The following ESR1 variants were observed in gnomAD, a reference collection of about 807,000 sequenced individuals.
ESR1 encodes the protein estrogen receptor 1.
A neutral mutation model predicts 52.7 loss-of-function variants in ESR1; 12 were observed. The observed-to-expected ratio is 0.23, with a 90% confidence interval of 0.15 to 0.37. The LOEUF is 0.37. ESR1 is among the 10% of genes least tolerant of loss of function. The pLI is 1.00. For synonymous variants in ESR1, 305 were observed against 316.8 expected, an observed-to-expected ratio of 0.96 and a Z score of 0.39; for missense variants, 584 against 779.7, an observed-to-expected ratio of 0.75 and a Z score of 2.99.
Position 151,661,827 on chromosome 6 carries a change from C to T in ESR1, n.73+5064C>T, listed in dbSNP as rs79265847. Among the ~76,000 whole-genome samples, 1,499 of 152,332 alleles carry T rather than the reference C, an allele frequency of 9.8e-3. 20 individuals carry two copies. Among genetic ancestry groups the T allele is most frequent in the African/African-American group, 0.035 (1,454 of 41,564 alleles). On this transcript the variant is annotated intron_variant and non_coding_transcript_variant, in intron 1 of 2. Transcript: ENST00000473497. ...TTTGGCAGTTTCCCTTTCTCTCCCT[C>T]TCTCTCCTGCTGCTATGTAAGACGT...
chr6:151,927,999 C>T (rs112104920), intron 3 of ESR1, among the ~76,000 whole-genome samples: 54 of 152,282 alleles, frequency 3.5e-4, no homozygotes, highest in African/African-American at 1.2e-3. Flanking sequence ...GCTAGGATTA[C>T]AGGCGTGAGC....
chr6:151,770,163 T>C (rs1239842794), intron 2 of ESR1, among the ~76,000 whole-genome samples: 1 of 152,252 alleles, frequency 6.6e-6, no homozygotes, highest in Non-Finnish European at 1.5e-5. Context: ...CCAACTCAGA[T>C]GCTTTGTGAA....
chr6:152,058,502 C>T (rs956987819), intron 5 of ESR1, among the ~76,000 whole-genome samples: 1 of 152,202 alleles, frequency 6.6e-6, no homozygotes. Flanking sequence ...TAAAGGTGAT[C>T]CTTACTGTGT....
At chr6:151,742,028 A>G (rs1783134827) in intron 2 of ESR1, among the ~76,000 whole-genome samples, 1 of 152,160 alleles carries the variant, frequency 6.6e-6, no homozygotes, top group Non-Finnish European at 1.5e-5. Context: ...GAGATGATGC[A>G]ATTTTTTTCT....
At chr6:151,885,028 TG>T (rs948256734) in intron 3 of ESR1, among the ~76,000 whole-genome samples, 6 of 149,278 alleles carry the variant, frequency 4.0e-5, no homozygotes, top group Non-Finnish European at 8.9e-5. Flanking sequence ...GGCGCGGGGG[TG>T]GGGGGTCTCT....
At chr6:151,939,424 A>G (rs2034776376) in intron 3 of ESR1, among the ~76,000 whole-genome samples, 1 of 152,210 alleles carries the variant, frequency 6.6e-6, no homozygotes, top group Non-Finnish European at 1.5e-5. Context: ...AAAGCAAGGA[A>G]TGAGTTTTAA....
intron 2 of ESR1, among the ~76,000 whole-genome samples, chr6:151,744,595 G>A (rs1407191622): frequency 3.9e-5 from 6 of 152,030 alleles, no homozygotes; most frequent in East Asian, 1.9e-4. Flanking sequence ...GTAAGGATTC[G>A]TTATATATTC....
intron 6 of ESR1, among the ~76,000 whole-genome samples, chr6:152,081,550 A>T (rs539631618): frequency 2.6e-5 from 4 of 151,864 alleles, no homozygotes; most frequent in East Asian, 3.9e-4. Context: ...ACACCCTAAC[A>T]TCACAATTGA....
At chr6:152,023,890 C>T (rs75531232) in intron 5 of ESR1, among the ~76,000 whole-genome samples, 6,521 of 152,170 alleles carry the variant, frequency 0.043, 210 homozygotes, top group South Asian at 0.13. Flanking sequence ...TTACCAAATA[C>T]GACTCCCTTA....
At chr6:151,993,008 GA>G (rs529843005) in intron 4 of ESR1, among the ~76,000 whole-genome samples, 1 of 152,234 alleles carries the variant, frequency 6.6e-6, no homozygotes, top group Admixed American at 6.6e-5. Context: ...TGATGGGGGA[GA>G]TGGGGGAGTC....
intron 5 of ESR1, among the ~76,000 whole-genome samples, chr6:152,015,481 C>G (rs908597612): frequency 6.6e-6 from 1 of 152,200 alleles, no homozygotes; most frequent in African/African-American, 2.4e-5. Flanking sequence ...ACCTTCCCTA[C>G]TAGCTCATAA....
chr6:151,728,207 T>A (rs990077304), intron 2 of ESR1, among the ~76,000 whole-genome samples: 1 of 152,190 alleles, frequency 6.6e-6, no homozygotes, highest in Non-Finnish European at 1.5e-5. Context: ...TAAAGGAGGA[T>A]GATGTTCTAT....
At chr6:151,666,249 C>T (rs373158945) in intron 1 of ESR1, among the ~76,000 whole-genome samples, 2 of 152,192 alleles carry the variant, frequency 1.3e-5, no homozygotes, top group East Asian at 3.8e-4. Context: ...CACTGACCCT[C>T]TTTTTCAGCT....
intron 3 of ESR1, among the ~76,000 whole-genome samples, chr6:151,888,638 T>C (rs1033025706): frequency 2.6e-5 from 4 of 152,170 alleles, no homozygotes; most frequent in African/African-American, 9.7e-5. Context: ...TAACTTCTTC[T>C]TTTTCAATTT....
At chr6:151,809,093 A>G (rs771200729) in intron 1 of ESR1, 13 of 359,794 alleles carry the variant, frequency 3.6e-5, no homozygotes, top group South Asian at 2.4e-4. Flanking sequence ...AACAAGCCAT[A>G]TGGAAGCACA....
chr6:151,854,447 A>G lies in ESR1; in HGVS notation c.643+11660A>G, dbSNP rs541722789. On this transcript the variant is annotated intron_variant, in intron 2 of 7. Transcript: ENST00000206249. ...ATTTTCCTTTAGCGGAAATAAAAAGACATTTCAGTTTTTCAGTTGCTAAGA... is the reference window on the plus strand; with the variant it reads ...ATTTTCCTTTAGCGGAAATAAAAAGGCATTTCAGTTTTTCAGTTGCTAAGA... 3.3e-5 allele frequency among the ~76,000 whole-genome samples: 5 copies of G among 152,318 alleles called. No individual in the cohort carries two copies. In the South Asian group the frequency reaches 1.0e-3, roughly 32 times the overall value.
chr6:152,010,981 A>G (rs2128774569), intron 4 of ESR1, among the ~76,000 whole-genome samples: 1 of 151,488 alleles, frequency 6.6e-6, no homozygotes, highest in East Asian at 2.0e-4. Context: ...TATTGTTATT[A>G]GGTAACCACA....
At chr6:151,696,354 A>C (rs149516081) in intron 1 of ESR1, among the ~76,000 whole-genome samples, 1,598 of 151,940 alleles carry the variant, frequency 0.011, 32 homozygotes, top group African/African-American at 0.037. Flanking sequence ...TGCCTGTAAT[A>C]CCAGCTACTT....
intron 1 of ESR1, among the ~76,000 whole-genome samples, chr6:151,837,161 C>T (rs1017200735): frequency 1.4e-5 from 2 of 144,620 alleles, no homozygotes; most frequent in Non-Finnish European, 3.0e-5. Flanking sequence ...AGTGCACTGG[C>T]ACGATCTAGG....
Sources: gnomAD v4.1 joint callset for allele counts (sites outside exome capture counted in the v4.1 genomes callset) on GRCh38, gnomAD v4.1.1 for gene constraint, MANE v1.5 for transcripts, NCBI Gene and HGNC (gene_info 2026-07-23, HGNC 2026-07-21) for gene names.